Variants in P4HA1 observed in about 807,000 individuals in gnomAD.
P4HA1 encodes prolyl 4-hydroxylase subunit alpha-1.
In P4HA1, 24 loss-of-function variants were observed where a neutral mutation model predicts 72.8. The observed-to-expected ratio is 0.33, with a 90% CI of 0.24 to 0.46. The LOEUF is 0.46. P4HA1 is among the 20% of genes least tolerant of loss of function. The pLI is 1.00. For missense variants in P4HA1, 446 were observed against 640.6 expected (o/e 0.70, Z 3.28); for synonymous variants, 201 against 218.8 (o/e 0.92, Z 0.72).
intron 2 of P4HA1, among the ~76,000 whole-genome samples, chr10:73,074,309 G>C (rs1480784648): frequency 6.6e-6 from 1 of 151,970 alleles, no homozygotes; most frequent in African/African-American, 2.4e-5. Flanking sequence ...CTGGAATCAA[G>C]AGTCATAAGT....
chr10:73,092,362 T>G (rs1404950948), intron 1 of P4HA1, among the ~76,000 whole-genome samples: 39 of 147,150 alleles, frequency 2.7e-4, no homozygotes, highest in Admixed American at 5.4e-4. Context: ...TTTTTTTTTT[T>G]TTTTAGAGAC....
intron 1 of P4HA1, among the ~76,000 whole-genome samples, chr10:73,076,364 T>G (rs963868449): frequency 2.6e-5 from 4 of 151,760 alleles, no homozygotes; most frequent in East Asian, 1.9e-4. Context: ...GTGCCTGTTT[T>G]TTTTTTTTTT....
chr10:73,032,589 C>A lies in P4HA1; in HGVS notation c.1149-2219G>T, dbSNP rs536675289. ...GACAGCAGCAACATTTCCTCAAGAACGTATTTCCTCTAGGCCTAAGGCTAG... is the reference window on the plus strand; with the variant it reads ...GACAGCAGCAACATTTCCTCAAGAAAGTATTTCCTCTAGGCCTAAGGCTAG... On this transcript the variant is annotated intron_variant, in intron 9 of 14. Coordinates refer to ENST00000394890, the MANE Select transcript of P4HA1 (RefSeq NM_001017962.3). 1.2e-4 allele frequency among the ~76,000 whole-genome samples: 18 copies of A among 152,328 alleles called. No homozygotes were observed. The South Asian group carries it at 3.3e-3, about 28-fold the overall frequency.
intron 1 of P4HA1, among the ~76,000 whole-genome samples, chr10:73,079,953 A>C (rs1210869041): frequency 6.6e-6 from 1 of 152,106 alleles, no homozygotes; most frequent in African/African-American, 2.4e-5. Flanking sequence ...GAATGGTAGA[A>C]AGCAGCTCTT....
In P4HA1 at chr10:73,007,983, C is replaced by A; in HGVS notation, c.*239G>T. Reference sequence around the variant, plus strand: ...ATAAAATTCCTCACTTTAAACTCTGCCTTGTCTTCTGTGATACCAACAGAA... The same window carrying A: ...ATAAAATTCCTCACTTTAAACTCTGACTTGTCTTCTGTGATACCAACAGAA... On this transcript the variant is annotated 3_prime_UTR_variant, in exon 15 of 15. Coordinates refer to ENST00000394890, the MANE Select transcript of P4HA1 (RefSeq NM_001017962.3). The A allele has an allele frequency of 3.9e-6, 1 of 254,836 alleles. No homozygotes were observed. The highest frequency in any genetic ancestry group is 6.4e-6 in the Non-Finnish European group (1 of 155,600). 15.8% of individuals were successfully genotyped at this position (254,836 alleles called of 1,614,324 possible).
intron 9 of P4HA1, among the ~76,000 whole-genome samples, chr10:73,042,259 G>A (rs1840752819): frequency 1.3e-5 from 2 of 152,098 alleles, no homozygotes; most frequent in South Asian, 2.1e-4. Context: ...AAACCAAGAC[G>A]TGTATAGTAA....
At chr10:73,027,564 T>C (rs1169589977) in intron 10 of P4HA1, among the ~76,000 whole-genome samples, 1 of 133,300 alleles carries the variant, frequency 7.5e-6, no homozygotes, top group Admixed American at 9.0e-5. Flanking sequence ...AACCTGCACG[T>C]TGTGCACATG....
At chr10:73,041,547 C>T (rs868191912) in intron 9 of P4HA1, among the ~76,000 whole-genome samples, 3 of 146,616 alleles carry the variant, frequency 2.0e-5, no homozygotes, top group East Asian at 2.0e-4. Context: ...CATCCCCCCC[C>T]CAAAAAAAAA....
rs1210271124 is a variant in P4HA1, at chr10:73,037,557, ATATATATATATATATTTT to A, written c.1149-7205_1149-7188del. ...TATATATATATATATATATATATAT[ATATATATATATATATTTT>A]TTTTTTTTTTTTTTTACAAAGGCAA... On this transcript the variant is annotated intron_variant, in intron 9 of 14. Coordinates refer to ENST00000394890, the MANE Select transcript of P4HA1 (RefSeq NM_001017962.3). 8.7e-3 allele frequency among the ~76,000 whole-genome samples: 284 copies of A among 32,670 alleles called. 17 individuals are homozygous for A. Among genetic ancestry groups the A allele is most frequent in the African/African-American group, 0.036 (271 of 7,556 alleles). 21.4% of individuals were successfully genotyped at this position (32,670 alleles called of 152,430 possible).
chr10:73,095,921 G>A (rs372859039), intron 1 of P4HA1, among the ~76,000 whole-genome samples: 9 of 152,262 alleles, frequency 5.9e-5, no homozygotes, highest in African/African-American at 2.2e-4. Flanking sequence ...ACATCCGGGG[G>A]CCAGCCATGT....
intron 1 of P4HA1, among the ~76,000 whole-genome samples, chr10:73,090,866 G>A (rs765519570): frequency 1.4e-4 from 21 of 151,636 alleles, no homozygotes; most frequent in Non-Finnish European, 2.6e-4. Flanking sequence ...TTCGAGACCC[G>A]CCCGGCCAAG....
intron 9 of P4HA1, among the ~76,000 whole-genome samples, 185 bp from the exon 10 acceptor site, chr10:73,030,555 A>G (rs529104363): frequency 6.6e-6 from 1 of 152,230 alleles, no homozygotes; most frequent in East Asian, 1.9e-4. Flanking sequence ...TAAATGTCAC[A>G]TTCTACTGTT....
At chr10:73,079,843 T>G (rs1378562377) in intron 1 of P4HA1, among the ~76,000 whole-genome samples, 1 of 152,178 alleles carries the variant, frequency 6.6e-6, no homozygotes, top group East Asian at 1.9e-4. Context: ...AGTAGCACAC[T>G]TTCCCATTCT....
intron 12 of P4HA1, among the ~76,000 whole-genome samples, chr10:73,011,921 T>TTGTA (rs1271326530): frequency 6.6e-6 from 1 of 151,976 alleles, no homozygotes; most frequent in East Asian, 1.9e-4. Context: ...TTTACAATGA[T>TTGTA]AAATACATAA....
chr10:73,062,332 C>A (rs1841330906), intron 5 of P4HA1, among the ~76,000 whole-genome samples: 1 of 151,856 alleles, frequency 6.6e-6, no homozygotes, highest in African/African-American at 2.4e-5. Flanking sequence ...TCTTTTTATG[C>A]TGTTACACAG....
chr10:73,052,980 C>A (rs1841053402), intron 6 of P4HA1, among the ~76,000 whole-genome samples: 1 of 152,168 alleles, frequency 6.6e-6, no homozygotes, highest in African/African-American at 2.4e-5. Flanking sequence ...ATATTTTCAG[C>A]CCATCTATTT....
chr10:73,071,776 A>C (rs2133131549), intron 4 of P4HA1, among the ~76,000 whole-genome samples: 2 of 150,764 alleles, frequency 1.3e-5, no homozygotes, highest in South Asian at 4.1e-4. Flanking sequence ...TCAGAAATGA[A>C]GCTATATGCC....
Position 73,021,129 on chromosome 10 carries a change from C to T in P4HA1, c.1249-4230G>A, listed in dbSNP as rs188903827. Among the ~76,000 whole-genome samples the T allele has an allele frequency of 1.9e-3, 280 of 150,064 alleles. 3 individuals carry two copies. The highest frequency in any genetic ancestry group is 6.0e-4 in the Non-Finnish European group (41 of 67,926). Reference sequence around the variant, plus strand: ...CAGCCTGGGCAAGAGAGTAAGACTACATCTCAAGAAAAAACAAACAAAAAA... The same window carrying T: ...CAGCCTGGGCAAGAGAGTAAGACTATATCTCAAGAAAAAACAAACAAAAAA... On this transcript the variant is annotated intron_variant, in intron 10 of 14. Transcript: ENST00000394890.
At chr10:73,069,862 T>G (rs1325350266) in intron 4 of P4HA1, among the ~76,000 whole-genome samples, 1 of 150,420 alleles carries the variant, frequency 6.6e-6, no homozygotes, top group Non-Finnish European at 1.5e-5. Flanking sequence ...TGGAGAGCAG[T>G]GGCAGTGGCA....
Sources: gnomAD v4.1 joint callset for allele counts (sites outside exome capture counted in the v4.1 genomes callset) on GRCh38, gnomAD v4.1.1 for gene constraint, MANE v1.5 for transcripts, NCBI Gene and HGNC (gene_info 2026-07-23, HGNC 2026-07-21) for gene names.